Variants in CEP41 observed in about 807,000 individuals in gnomAD.
CEP41 encodes centrosomal protein of 41 kDa.
Under a neutral mutation model 44.3 loss-of-function variants are expected in CEP41, and 32 were observed. That is an observed-to-expected ratio of 0.72 (90% CI 0.54 to 0.97). The LOEUF is 0.97. Among genes scored for constraint, CEP41 ranks in the 50% least tolerant of loss-of-function variants. The probability of loss-of-function intolerance (pLI) is 0.00; values close to 1 mark genes in which losing one functional copy is unlikely to be tolerated. For synonymous variants in CEP41, 151 were observed against 168.5 expected, an observed-to-expected ratio of 0.90 and a Z score of 0.80; for missense variants, 432 against 455.2, an observed-to-expected ratio of 0.95 and a Z score of 0.46.
chr7:130,426,455 AC>A (rs1472164174), intron 2 of CEP41, among the ~76,000 whole-genome samples: 3 of 151,798 alleles, frequency 2.0e-5, no homozygotes, highest in Admixed American at 6.6e-5. Context: ...AAAAAAAAAA[AC>A]AAACTATGAA....
chr7:130,440,814 C>CA, intron 1 of CEP41, 120 bp downstream of exon 1: 11 of 814,690 alleles, frequency 1.4e-5, no homozygotes, highest in Non-Finnish European at 1.8e-5. Flanking sequence ...GACCCCTCCT[C>CA]ACGCCGGCCC....
chr7:130,427,827 C>G, intron 2 of CEP41, 128 bp downstream of exon 2: 1 of 661,266 alleles, frequency 1.5e-6, no homozygotes, highest in African/African-American at 1.8e-5. Context: ...AATCCTGAGC[C>G]GAGAAAGACA....
intron 8 of CEP41, among the ~76,000 whole-genome samples, chr7:130,401,497 T>C (rs1796842416): frequency 6.6e-6 from 1 of 152,178 alleles, no homozygotes; most frequent in Admixed American, 6.5e-5. Context: ...CTTTTAATAA[T>C]TTTTGGTATT....
rs56874452 is a variant in CEP41, at chr7:130,432,588, C to CAAAAA, written c.34-4575_34-4571dup. On this transcript the variant is annotated intron_variant, in intron 1 of 10. Coordinates refer to ENST00000223208, the MANE Select transcript of CEP41 (RefSeq NM_018718.3). ...GCAACACAGGGAAACTTTGTTTCCACAAAAAAAAAAAAAAAAAAAAAAAAA... is the reference window on the plus strand; with the variant it reads ...GCAACACAGGGAAACTTTGTTTCCACAAAAAAAAAAAAAAAAAAAAAAAAAAAAAA... Among the ~76,000 whole-genome samples, 207 of 59,904 alleles carry CAAAAA rather than the reference C, an allele frequency of 3.5e-3. 6 individuals carry two copies. The highest frequency in any genetic ancestry group is 5.0e-3 in the East Asian group (13 of 2,596). 39.3% of individuals were successfully genotyped at this position (59,904 alleles called of 152,430 possible).
chr7:130,425,221 C>A (rs782349427), intron 2 of CEP41, among the ~76,000 whole-genome samples: 2 of 128,224 alleles, frequency 1.6e-5, no homozygotes, highest in African/African-American at 6.5e-5. Flanking sequence ...TGAGACAAGC[C>A]TAGCCAACAT....
chr7:130,417,934 C>T (rs1226496983), intron 2 of CEP41, among the ~76,000 whole-genome samples: 1 of 152,174 alleles, frequency 6.6e-6, no homozygotes, highest in Non-Finnish European at 1.5e-5. Flanking sequence ...TTTTCAAGGA[C>T]TATTCTGAAC....
intron 10 of CEP41, 141 bp downstream of exon 10, chr7:130,399,898 A>G: frequency 1.4e-6 from 1 of 737,986 alleles, no homozygotes; most frequent in Non-Finnish European, 2.4e-6. Context: ...GGTCACCTCC[A>G]CTGCCTCCCC....
chr7:130,428,297 G>A (rs1338416303), intron 1 of CEP41, among the ~76,000 whole-genome samples: 5 of 151,238 alleles, frequency 3.3e-5, no homozygotes, highest in East Asian at 2.0e-4. Flanking sequence ...GGTGATGGGC[G>A]CCTGTAATCC....
intron 5 of CEP41, chr7:130,410,825 A>G (rs1797160060): frequency 2.2e-6 from 1 of 446,242 alleles, no homozygotes; most frequent in Admixed American, 3.5e-5. Context: ...GTCTCATAGT[A>G]CTTAATGTGT....
chr7:130,439,075 T>C (rs971000848), intron 1 of CEP41, among the ~76,000 whole-genome samples: 17 of 152,218 alleles, frequency 1.1e-4, no homozygotes, highest in African/African-American at 4.1e-4. Context: ...GATTTTCTTC[T>C]GCCTCTGTCA....
chr7:130,428,493 T>C (rs1554424308), intron 1 of CEP41, among the ~76,000 whole-genome samples: 1 of 143,494 alleles, frequency 7.0e-6, no homozygotes, highest in African/African-American at 2.6e-5. Context: ...CTTTTCAATA[T>C]AGGATTCTTT....
intron 5 of CEP41, among the ~76,000 whole-genome samples, chr7:130,406,687 G>T (rs1797020565): frequency 1.3e-5 from 2 of 151,992 alleles, no homozygotes; most frequent in Admixed American, 1.3e-4. Flanking sequence ...AATTTTAAGA[G>T]AATGAGAATA....
intron 3 of CEP41, among the ~76,000 whole-genome samples, chr7:130,413,271 G>A (rs1176178738): frequency 3.9e-5 from 6 of 152,088 alleles, no homozygotes; most frequent in African/African-American, 7.2e-5. Context: ...GATTACAGGC[G>A]TGAGCCAAAG....
At chr7:130,437,983 GAGAGT>G (rs1661958189) in intron 1 of CEP41, among the ~76,000 whole-genome samples, 1 of 152,018 alleles carries the variant, frequency 6.6e-6, no homozygotes, top group African/African-American at 2.4e-5. Context: ...ATTCAAACAA[GAGAGT>G]AAACTGGGCA....
At chr7:130,415,709 G>C (rs1279925156) in intron 3 of CEP41, among the ~76,000 whole-genome samples, 1 of 152,202 alleles carries the variant, frequency 6.6e-6, no homozygotes, top group Non-Finnish European at 1.5e-5. Context: ...TGGATGAGAG[G>C]TGACAGAGAC....
At chr7:130,432,523 G>C in intron 1 of CEP41, among the ~76,000 whole-genome samples, 1 of 151,060 alleles carries the variant, frequency 6.6e-6, no homozygotes, top group East Asian at 1.9e-4. Flanking sequence ...AGGCCAAAGT[G>C]GGAGGATCGC....
At position 130,428,161 on chromosome 7, in the gene CEP41, C is replaced by T. The variant is rs201411500; in HGVS notation, c.34-143G>A. 3.0e-4 allele frequency: 202 copies of T among 675,090 alleles called. No homozygotes were observed. The East Asian group carries it at 4.8e-3, about 16-fold the overall frequency. The allele number at this position is 675,090 out of a possible 1,614,324, so 41.8% of individuals were successfully genotyped here. A position where few individuals can be genotyped will look rare whatever the true frequency, so the allele number is the denominator to read the frequency against. On this transcript the variant is annotated intron_variant, in intron 1 of 10. Transcript: ENST00000223208. ...AGATGGTGCCGGGCATGGTGGCTCA[C>T]GCCTGTAATCCTAACACTTTAGGAG...
At chr7:130,438,845 A>T (rs557323805) in intron 1 of CEP41, among the ~76,000 whole-genome samples, 1 of 152,308 alleles carries the variant, frequency 6.6e-6, no homozygotes, top group South Asian at 2.1e-4. Context: ...AACTTTATAC[A>T]TTTATGGGGT....
chr7:130,429,254 T>G (rs1336621905), intron 1 of CEP41, among the ~76,000 whole-genome samples: 2 of 152,162 alleles, frequency 1.3e-5, no homozygotes, highest in African/African-American at 4.8e-5. Context: ...TCCAGGGATG[T>G]CGACCATGGC....
Sources: allele counts gnomAD v4.1 joint callset (sites outside exome capture counted in the v4.1 genomes callset), GRCh38; gene constraint gnomAD v4.1.1; transcripts MANE v1.5; gene names NCBI Gene and HGNC (gene_info 2026-07-23, HGNC 2026-07-21).